Variants in CREB1 observed in about 807,000 individuals in gnomAD.
CREB1 encodes the protein cyclic AMP-responsive element-binding protein 1.
CREB1 carries 2 observed loss-of-function variants against 42.0 expected under a neutral mutation model. That is an observed-to-expected ratio of 0.05 (90% CI 0.02 to 0.15). The LOEUF (loss-of-function observed/expected upper bound fraction) is 0.15, where lower values mean the gene tolerates loss of function less well. Among genes scored for constraint, CREB1 ranks in the 10% least tolerant of loss-of-function variants. The pLI is 1.00. For missense variants in CREB1, 199 were observed against 388.9 expected (o/e 0.51, Z 4.11); for synonymous variants, 123 against 139.9 (o/e 0.88, Z 0.85).
chr2:207,551,483 A>T (rs2081500448), intron 1 of CREB1, among the ~76,000 whole-genome samples: 1 of 152,180 alleles, frequency 6.6e-6, no homozygotes, highest in Admixed American at 6.5e-5. Flanking sequence ...AAGAGCCTTC[A>T]TTGGGTAATA....
intron 7 of CREB1, among the ~76,000 whole-genome samples, chr2:207,582,521 A>G (rs554568911): frequency 6.6e-6 from 1 of 152,330 alleles, no homozygotes; most frequent in Admixed American, 6.5e-5. Flanking sequence ...AGCTTTGGCT[A>G]CTGGGATCTT....
chr2:207,577,782 A>T (rs535181143), intron 7 of CREB1, 127 bp downstream of exon 7: 1 of 1,131,230 alleles, frequency 8.8e-7, no homozygotes, highest in South Asian at 1.3e-5. Flanking sequence ...AGCAGAATTA[A>T]TGGATCTTGC....
chr2:207,568,751 T>G (rs942905127), intron 4 of CREB1, among the ~76,000 whole-genome samples: 5 of 152,154 alleles, frequency 3.3e-5, no homozygotes, highest in Non-Finnish European at 5.9e-5. Context: ...CCTTTCAGTG[T>G]GATTATGTTA....
Position 207,597,191 on chromosome 2 carries a change from A to C in CREB1, c.*133A>C, listed in dbSNP as rs1441213662. 1 of 930,714 alleles carries C rather than the reference A, an allele frequency of 1.1e-6. No individual in the cohort carries two copies. Among genetic ancestry groups the C allele is most frequent in the African/African-American group, 1.7e-5 (1 of 57,156 alleles). 57.7% of individuals were successfully genotyped at this position (930,714 alleles called of 1,614,324 possible). A position where few individuals can be genotyped will look rare whatever the true frequency, so the allele number is the denominator to read the frequency against. On this transcript the variant is annotated 3_prime_UTR_variant, in exon 8 of 8. Coordinates refer to ENST00000353267, the MANE Select transcript of CREB1 (RefSeq NM_004379.5). ...CGCAAAACTGCCTGAAAGCAACTAC[A>C]GAATTTCATTCATTTGTGCTTTTGC...
At chr2:207,587,273 G>C (rs1046452914) in intron 7 of CREB1, among the ~76,000 whole-genome samples, 1 of 151,702 alleles carries the variant, frequency 6.6e-6, no homozygotes, top group African/African-American at 2.4e-5. Context: ...GGTGCCTGTA[G>C]TCCCAGCTAC....
At chr2:207,558,474 TC>T (rs1296546284) in intron 2 of CREB1, among the ~76,000 whole-genome samples, 1 of 152,066 alleles carries the variant, frequency 6.6e-6, no homozygotes, top group Non-Finnish European at 1.5e-5. Context: ...CTGGACTGCT[TC>T]CAAATTTTCA....
chr2:207,537,689 T>C (rs2080928972), intron 1 of CREB1, among the ~76,000 whole-genome samples: 1 of 152,218 alleles, frequency 6.6e-6, no homozygotes, highest in Admixed American at 6.5e-5. Flanking sequence ...TAAATAAGAA[T>C]AGACGTTAGT....
Position 207,605,227 on chromosome 2 carries a change from CT to C in CREB1, c.*8171del, listed in dbSNP as rs1051641250. On this transcript the variant is annotated 3_prime_UTR_variant, in exon 8 of 8. Coordinates refer to ENST00000353267, the MANE Select transcript of CREB1 (RefSeq NM_004379.5). ...CAATTTCTCCACACCTTCACCAACA[CT>C]TATTTTGCCATTTTAAAAATTATAG... is the stretch of plus-strand genomic sequence containing the variant. 2.0e-4 allele frequency among the ~76,000 whole-genome samples: 31 copies of C among 152,180 alleles called. No homozygotes were observed. Among genetic ancestry groups the C allele is most frequent in the African/African-American group, 7.5e-4 (31 of 41,440 alleles).
chr2:207,563,025 G>A (rs1202985905), intron 3 of CREB1, among the ~76,000 whole-genome samples: 1 of 152,154 alleles, frequency 6.6e-6, no homozygotes, highest in Admixed American at 6.5e-5. Flanking sequence ...CAGGTTAGGA[G>A]AATTAACGAG....
At chr2:207,557,082 G>GC (rs1559280122) in intron 2 of CREB1, among the ~76,000 whole-genome samples, 39 of 151,920 alleles carry the variant, frequency 2.6e-4, no homozygotes, top group Middle Eastern at 3.2e-3. Context: ...AGGTTGCAGT[G>GC]AACTGAGATT....
chr2:207,550,014 A>G (rs1468997367), intron 1 of CREB1, among the ~76,000 whole-genome samples: 3 of 152,166 alleles, frequency 2.0e-5, no homozygotes, highest in African/African-American at 4.8e-5. Flanking sequence ...CAAGGCTTTC[A>G]AACAGTTACC....
intron 3 of CREB1, among the ~76,000 whole-genome samples, chr2:207,567,078 T>C (rs935857990): frequency 2.6e-5 from 4 of 152,188 alleles, no homozygotes; most frequent in African/African-American, 9.7e-5. Context: ...AATAATAATA[T>C]TTGTATAGTC....
chr2:207,531,632 A>G (rs914266679), intron 1 of CREB1, among the ~76,000 whole-genome samples: 2 of 152,218 alleles, frequency 1.3e-5, no homozygotes, highest in Non-Finnish European at 2.9e-5. Context: ...AATCTTTTAC[A>G]TTTATGGCTC....
intron 1 of CREB1, among the ~76,000 whole-genome samples, chr2:207,541,839 C>T (rs956300583): frequency 6.6e-6 from 1 of 152,172 alleles, no homozygotes; most frequent in African/African-American, 2.4e-5. Flanking sequence ...CTCCTCTCAG[C>T]CATCACCTCT....
intron 1 of CREB1, among the ~76,000 whole-genome samples, chr2:207,534,048 CTTTAT>C (rs1041614184): frequency 2.0e-5 from 3 of 152,168 alleles, no homozygotes; most frequent in Non-Finnish European, 4.4e-5. Context: ...GTCCCTTAAG[CTTTAT>C]TTTAACTTCC....
intron 7 of CREB1, among the ~76,000 whole-genome samples, chr2:207,588,741 T>TG (rs1559069651): frequency 3.3e-4 from 46 of 137,872 alleles, no homozygotes; most frequent in African/African-American, 7.6e-4. Context: ...TTTTTTTTTT[T>TG]TGTGTGTGGG....
intron 7 of CREB1, among the ~76,000 whole-genome samples, chr2:207,584,593 G>C (rs917032954): frequency 8.5e-5 from 13 of 152,086 alleles, no homozygotes; most frequent in South Asian, 2.1e-4. Flanking sequence ...GTAGAGACAG[G>C]GTTTCGCCAT....
At chr2:207,530,823 G>A (rs970474823) in intron 1 of CREB1, among the ~76,000 whole-genome samples, 4 of 151,840 alleles carry the variant, frequency 2.6e-5, no homozygotes, top group Non-Finnish European at 5.9e-5. Context: ...CGAAACCCAA[G>A]GTTTCCTCTC....
At chr2:207,567,348 A>G in intron 3 of CREB1, 115 bp from the exon 4 acceptor site, 1 of 645,824 alleles carries the variant, frequency 1.5e-6, no homozygotes, top group Non-Finnish European at 2.6e-6. Context: ...ATAAGAACTG[A>G]TTTTTTTCTA....
Sources: allele counts gnomAD v4.1 joint callset (sites outside exome capture counted in the v4.1 genomes callset), GRCh38; gene constraint gnomAD v4.1.1; transcripts MANE v1.5; gene names NCBI Gene and HGNC (gene_info 2026-07-23, HGNC 2026-07-21).